CACNA1D: variants seen among roughly 807,000 people sequenced by gnomAD.
CACNA1D encodes the protein calcium voltage-gated channel subunit alpha1 D.
Under a neutral mutation model 257.1 loss-of-function variants are expected in CACNA1D, and 55 were observed. The ratio of observed to expected loss-of-function variants is 0.21; its 90% CI spans 0.17 to 0.27. CACNA1D has a LOEUF of 0.27. CACNA1D is among the 10% of genes least tolerant of loss of function. The pLI is 1.00. For synonymous variants in CACNA1D, 980 were observed against 1,014.9 expected (o/e 0.97, Z 0.65); for missense variants, 1,876 against 2,784.0 (o/e 0.67, Z 7.34).
At chr3:53,772,773 G>A in intron 32 of CACNA1D, 60 bp from the exon 33 acceptor site, 5 of 1,275,946 alleles carry the variant, frequency 3.9e-6, no homozygotes, top group Non-Finnish European at 5.7e-6. Context: ...TTCTCAGGCT[G>A]TGGCGGGCCG....
At chr3:53,671,118 T>TA (rs2094319271) in intron 7 of CACNA1D, among the ~76,000 whole-genome samples, 1 of 152,186 alleles carries the variant, frequency 6.6e-6, no homozygotes, top group Non-Finnish European at 1.5e-5. Flanking sequence ...GATGAACACC[T>TA]ACTCCCAAGA....
intron 21 of CACNA1D, among the ~76,000 whole-genome samples, chr3:53,742,394 G>T (rs1453892401): frequency 1.3e-5 from 2 of 152,216 alleles, no homozygotes; most frequent in African/African-American, 4.8e-5. Flanking sequence ...CATGTGGCAG[G>T]TGAGCACAGA....
intron 3 of CACNA1D, among the ~76,000 whole-genome samples, chr3:53,531,921 C>T (rs1215721686): frequency 6.6e-6 from 1 of 152,112 alleles, no homozygotes; most frequent in Non-Finnish European, 1.5e-5. Context: ...GTTGCATGCC[C>T]AGCAGGTGGC....
At chr3:53,591,771 G>A (rs903198126) in intron 3 of CACNA1D, among the ~76,000 whole-genome samples, 1 of 152,188 alleles carries the variant, frequency 6.6e-6, no homozygotes, top group East Asian at 1.9e-4. Flanking sequence ...TATTTCCTAG[G>A]CCTTCAGGAA....
chr3:53,682,276 C>T (rs1250610398), intron 8 of CACNA1D, among the ~76,000 whole-genome samples: 6 of 144,472 alleles, frequency 4.2e-5, no homozygotes, highest in South Asian at 2.1e-4. Flanking sequence ...ACCTGTAATC[C>T]GAGCAATTCA....
chr3:53,688,725 G>A lies in CACNA1D; in HGVS notation c.1221-13916G>A, dbSNP rs535446248. Among the ~76,000 whole-genome samples the A allele has an allele frequency of 9.2e-5, 14 of 152,330 alleles. No individual in the cohort carries two copies. The East Asian group carries it at 2.3e-3, about 25-fold the overall frequency. On this transcript the variant is annotated intron_variant, in intron 8 of 47. Coordinates refer to ENST00000350061, the MANE Select transcript of CACNA1D (RefSeq NM_001128840.3). ...ATTTCTCTAAGTCTGACTGTCATGA[G>A]TTTGGTTTTGGGTTCAGGGATAAAA...
intron 3 of CACNA1D, among the ~76,000 whole-genome samples, chr3:53,634,430 C>T (rs922933551): frequency 2.0e-5 from 3 of 152,170 alleles, no homozygotes; most frequent in Non-Finnish European, 1.5e-5. Flanking sequence ...GTTGTGATTT[C>T]AAGGTGCTTG....
chr3:53,649,958 A>G (rs1559467357), intron 3 of CACNA1D, among the ~76,000 whole-genome samples: 1 of 152,208 alleles, frequency 6.6e-6, no homozygotes, highest in Non-Finnish European at 1.5e-5. Flanking sequence ...TCCACAGCTC[A>G]TGGAGTTGCA....
chr3:53,752,591 G>T (rs1230407283), intron 28 of CACNA1D, among the ~76,000 whole-genome samples: 1 of 152,284 alleles, frequency 6.6e-6, no homozygotes, highest in East Asian at 1.9e-4. Context: ...TAGAGACAGG[G>T]TTTCACCACG....
chr3:53,770,185 G>A (rs1576614890), intron 31 of CACNA1D, among the ~76,000 whole-genome samples, 168 bp downstream of exon 31: 1 of 152,288 alleles, frequency 6.6e-6, no homozygotes, highest in East Asian at 1.9e-4. Flanking sequence ...CCAGCCCAGC[G>A]TTCTCCTCTA....
At chr3:53,735,995 G>A (rs543736533) in intron 20 of CACNA1D, among the ~76,000 whole-genome samples, 2 of 152,292 alleles carry the variant, frequency 1.3e-5, no homozygotes, top group East Asian at 3.9e-4. Flanking sequence ...CACGACTCAG[G>A]AGAAATACAA....
intron 3 of CACNA1D, among the ~76,000 whole-genome samples, chr3:53,585,230 G>T (rs903100471): frequency 1.3e-5 from 2 of 152,060 alleles, no homozygotes; most frequent in African/African-American, 4.8e-5. Flanking sequence ...GACATGACTT[G>T]GTGCCTGCCC....
chr3:53,647,590 G>A (rs1474260573), intron 3 of CACNA1D, among the ~76,000 whole-genome samples: 1 of 152,202 alleles, frequency 6.6e-6, no homozygotes, highest in Non-Finnish European at 1.5e-5. Flanking sequence ...TGACTTTCTT[G>A]TTGGCTTCCT....
At chr3:53,738,641 G>T (rs1019675828) in intron 20 of CACNA1D, among the ~76,000 whole-genome samples, 2 of 152,134 alleles carry the variant, frequency 1.3e-5, no homozygotes, top group Admixed American at 6.5e-5. Context: ...TTATTTCCCT[G>T]CTGCCTTACC....
intron 40 of CACNA1D, among the ~76,000 whole-genome samples, chr3:53,787,975 C>T (rs2095464709): frequency 1.3e-5 from 2 of 152,052 alleles, no homozygotes; most frequent in Non-Finnish European, 2.9e-5. Context: ...TAAATTTGGC[C>T]TTGTAGATAT....
At chr3:53,700,417 A>G (rs1208406537) in intron 8 of CACNA1D, among the ~76,000 whole-genome samples, 1 of 152,212 alleles carries the variant, frequency 6.6e-6, no homozygotes, top group Non-Finnish European at 1.5e-5. Flanking sequence ...TCCTGCAGAT[A>G]CATGACATGC....
In CACNA1D at chr3:53,789,688, C is replaced by T. The variant is rs1376833372; in HGVS notation, c.4923+2736C>T. ...GTGCTAATGGAAAGTGGAGCATGGC[C>T]GTCGCAGTGTGAGCGCAGAAGTGCG... On this transcript the variant is annotated intron_variant, in intron 40 of 47. Coordinates refer to ENST00000350061, the MANE Select transcript of CACNA1D (RefSeq NM_001128840.3). The surrounding 1 kb of genome is among the most constrained non-coding windows in gnomAD (Gnocchi z 4.2). Among the ~76,000 whole-genome samples, 4 of 152,216 alleles carry T rather than the reference C, an allele frequency of 2.6e-5. 1 individual carries two copies. Among genetic ancestry groups the T allele is most frequent in the Admixed American group, 2.6e-4 (4 of 15,286 alleles).
intron 27 of CACNA1D, 40 bp downstream of exon 27, chr3:53,749,509 A>C (rs372989579): frequency 1.9e-5 from 27 of 1,416,496 alleles, no homozygotes; most frequent in Non-Finnish European, 2.7e-5. Flanking sequence ...TCCCTTGGTC[A>C]GGAGCGGAGT....
At chr3:53,525,813 G>A (rs531602850) in intron 3 of CACNA1D, among the ~76,000 whole-genome samples, 27 of 152,206 alleles carry the variant, frequency 1.8e-4, no homozygotes, top group African/African-American at 6.3e-4. Context: ...CAGGTAGTGA[G>A]CTCAAACCCA....
Sources: allele counts gnomAD v4.1 joint callset (sites outside exome capture counted in the v4.1 genomes callset), GRCh38; gene constraint gnomAD v4.1.1; non-coding constraint Gnocchi (gnomAD v3.1); transcripts MANE v1.5; gene names NCBI Gene and HGNC (gene_info 2026-07-23, HGNC 2026-07-21).